The following HDAC9 variants were observed in gnomAD, a reference collection of about 807,000 sequenced individuals.
HDAC9 encodes the protein histone deacetylase 9, also known as MEF-2 interacting transcription repressor (MITR) protein.
HDAC9 carries 41 observed loss-of-function variants against 139.4 expected under a neutral mutation model. The ratio of observed to expected loss-of-function variants is 0.29; its 90% CI spans 0.23 to 0.38. The LOEUF (loss-of-function observed/expected upper bound fraction) is 0.38, where lower values mean the gene tolerates loss of function less well. HDAC9 is among the 10% of genes least tolerant of loss of function. The pLI is 1.00. For synonymous variants in HDAC9, 517 were observed against 476.2 expected (o/e 1.09, Z -1.12); for missense variants, 1,147 against 1,297.0 (o/e 0.88, Z 1.78).
intron 1 of HDAC9, among the ~76,000 whole-genome samples, chr7:18,375,927 A>G (rs775048690): frequency 5.3e-5 from 8 of 152,212 alleles, no homozygotes; most frequent in Non-Finnish European, 1.2e-4. Flanking sequence ...GTTTGTGAAG[A>G]AATAATTATA....
chr7:18,386,263 G>A (rs1376895053), intron 1 of HDAC9, among the ~76,000 whole-genome samples: 1 of 152,048 alleles, frequency 6.6e-6, no homozygotes, highest in Non-Finnish European at 1.5e-5. Flanking sequence ...TGTGCACCCT[G>A]GGCACCTGCA....
chr7:18,752,104 C>A (rs1041538167), intron 14 of HDAC9, among the ~76,000 whole-genome samples: 3 of 152,042 alleles, frequency 2.0e-5, no homozygotes, highest in African/African-American at 7.2e-5. Context: ...TATTTCATGC[C>A]AAATTATTTT....
At chr7:18,814,964 A>T (rs538124509) in intron 17 of HDAC9, among the ~76,000 whole-genome samples, 6 of 152,144 alleles carry the variant, frequency 3.9e-5, no homozygotes, top group Non-Finnish European at 8.8e-5. Flanking sequence ...GTAACGAATG[A>T]TGGTGAAAAT....
intron 22 of HDAC9, among the ~76,000 whole-genome samples, chr7:18,932,376 T>C (rs1379800002): frequency 6.6e-6 from 1 of 152,158 alleles, no homozygotes; most frequent in East Asian, 1.9e-4. Context: ...ACATTACATA[T>C]TCTTAAACAC....
chr7:18,897,784 TC>T (rs1801342871), intron 22 of HDAC9, among the ~76,000 whole-genome samples: 1 of 151,398 alleles, frequency 6.6e-6, no homozygotes, highest in Non-Finnish European at 1.5e-5. Context: ...TTATGTTTTC[TC>T]TATCTAATTG....
At chr7:18,977,327 AAACT>A (rs1428621003) in intron 25 of HDAC9, among the ~76,000 whole-genome samples, 1 of 152,224 alleles carries the variant, frequency 6.6e-6, no homozygotes, top group African/African-American at 2.4e-5. Context: ...AAAACTGAGG[AAACT>A]AACATCTGTT....
chr7:18,782,020 CCT>C (rs1188175667), intron 16 of HDAC9, among the ~76,000 whole-genome samples: 1 of 152,060 alleles, frequency 6.6e-6, no homozygotes, highest in Non-Finnish European at 1.5e-5. Flanking sequence ...CAATGAAAAA[CCT>C]CTGTTTCTTT....
In HDAC9 at chr7:18,975,866, C is replaced by T. The variant is rs561206295; in HGVS notation, c.3083C>T (p.Ala1028Val). ...AVPRGCALAGAQLQEETETVS... is the reference protein window; with the variant it reads ...AVPRGCALAGVQLQEETETVS... ...CCAAGGGGCTGTGCTCTGGCTGGTG[C>T]TCAGTTGCAAGAGGAGACAGAGACC... The change falls in exon 25 of 26, where the codon GCT (alanine) becomes GTT (valine). Residue 1028 changes from alanine (A) to valine (V), a missense_variant. By Grantham distance (64) the Ala-to-Val change is moderately conservative. Coordinates refer to ENST00000686413, the MANE Select transcript of HDAC9 (RefSeq NM_178425.4). 88 of 1,613,838 alleles carry T rather than the reference C, an allele frequency of 5.5e-5. No homozygotes were observed. Among genetic ancestry groups the T allele is most frequent in the Non-Finnish European group, 7.0e-5 (83 of 1,179,796 alleles).
intron 2 of HDAC9, among the ~76,000 whole-genome samples, chr7:18,215,252 G>A (rs928695738): frequency 6.6e-6 from 1 of 152,072 alleles, no homozygotes; most frequent in Non-Finnish European, 1.5e-5. Flanking sequence ...TGGGCCAGTC[G>A]AAAAAAGCAT....
At chr7:18,907,757 GTTTAC>G (rs72065028) in intron 22 of HDAC9, among the ~76,000 whole-genome samples, 13,541 of 152,140 alleles carry the variant, frequency 0.089, 843 homozygotes, top group South Asian at 0.25. Context: ...CATTCTTACA[GTTTAC>G]TTTACTTTTG....
intron 8 of HDAC9, among the ~76,000 whole-genome samples, chr7:18,638,572 A>T (rs549339408): frequency 3.4e-4 from 52 of 152,160 alleles, no homozygotes; most frequent in African/African-American, 1.3e-3. Context: ...GTACCGTAAT[A>T]CCTACACTAG....
intron 1 of HDAC9, among the ~76,000 whole-genome samples, chr7:18,465,677 AT>A (rs776879094): frequency 1.3e-5 from 2 of 151,784 alleles, no homozygotes; most frequent in Non-Finnish European, 2.9e-5. Context: ...TCATTCCTTG[AT>A]TTTTTTTGAG....
chr7:18,847,272 A>C (rs1796971597), intron 21 of HDAC9, among the ~76,000 whole-genome samples: 1 of 152,204 alleles, frequency 6.6e-6, no homozygotes. Context: ...TACATTCCTT[A>C]CAACACAGAA....
chr7:18,153,764 A>T (rs1018600783), intron 1 of HDAC9, among the ~76,000 whole-genome samples: 3 of 152,142 alleles, frequency 2.0e-5, no homozygotes, highest in Non-Finnish European at 4.4e-5. Context: ...ATCAGTGCCA[A>T]TGTGGGTCTT....
intron 4 of HDAC9, 109 bp from the exon 5 acceptor site, chr7:18,591,407 A>G: frequency 7.3e-7 from 1 of 1,370,458 alleles, no homozygotes; most frequent in Non-Finnish European, 9.5e-7. Flanking sequence ...TTACTTCTTA[A>G]TCTTTGTCAA....
At chr7:18,597,187 C>T (rs1008387534) in intron 6 of HDAC9, among the ~76,000 whole-genome samples, 2 of 152,112 alleles carry the variant, frequency 1.3e-5, no homozygotes, top group African/African-American at 4.8e-5. Context: ...ATGCCCATTC[C>T]AATTCACTTT....
intron 2 of HDAC9, among the ~76,000 whole-genome samples, chr7:18,551,305 A>G (rs1294314239): frequency 1.3e-5 from 2 of 152,220 alleles, no homozygotes; most frequent in Non-Finnish European, 2.9e-5. Flanking sequence ...GCAGGTGGGT[A>G]TATGAGTCTG....
Position 18,648,466 on chromosome 7 carries a change from G to A in HDAC9, c.1250G>A (p.Gly417Asp). The change falls in exon 11 of 26, where the codon GGT becomes GAT. Residue 417 changes from glycine (G) to aspartate (D), a missense_variant and splice_region_variant. Physicochemically the swap from Gly to Asp is moderately conservative, Grantham distance 94 (BLOSUM62 -1). Transcript: ENST00000686413. ...QMRQQKLLVA[G>D]GVPLHPQSPL... ...CATATACATGTATTTTTTTTTTCAG[G>A]TGGAGTTCCCTTACATCCTCAGTCT... 1 of 1,605,012 alleles carries A rather than the reference G, an allele frequency of 6.2e-7. No homozygotes were observed. Among genetic ancestry groups the A allele is most frequent in the East Asian group, 2.2e-5 (1 of 44,666 alleles).
intron 1 of HDAC9, among the ~76,000 whole-genome samples, chr7:18,295,940 A>AC (rs1233337428): frequency 6.6e-6 from 1 of 152,184 alleles, no homozygotes; most frequent in African/African-American, 2.4e-5. Context: ...AGAAACCTTG[A>AC]CATAGACTAA....
Sources: allele counts gnomAD v4.1 joint callset (sites outside exome capture counted in the v4.1 genomes callset), GRCh38; gene constraint gnomAD v4.1.1; transcripts MANE v1.5; gene names NCBI Gene and HGNC (gene_info 2026-07-23, HGNC 2026-07-21).